GPAM: variants seen among roughly 807,000 people sequenced by gnomAD.
GPAM encodes the protein glycerol-3-phosphate acyltransferase 1, mitochondrial.
Under a neutral mutation model 105.0 loss-of-function variants are expected in GPAM, and 56 were observed. The observed-to-expected ratio is 0.53, with a 90% CI of 0.43 to 0.67. The LOEUF is 0.67. Among genes scored for constraint, GPAM ranks in the 30% least tolerant of loss-of-function variants. The pLI is 0.00. For missense variants in GPAM, 855 were observed against 989.8 expected, an observed-to-expected ratio of 0.86 and a Z score of 1.83; for synonymous variants, 368 against 354.4, an observed-to-expected ratio of 1.04 and a Z score of -0.43.
chr10:112,163,771 C>T lies in GPAM; in HGVS notation c.1353G>A (p.Glu451=), dbSNP rs1334337989. The T allele has an allele frequency of 9.3e-6, 15 of 1,606,582 alleles. No homozygotes were observed. The highest frequency in any genetic ancestry group is 1.7e-4 in the Middle Eastern group (1 of 6,050). The change falls in exon 14 of 22, where the codon GAG becomes GAA. Residue 451 remains glutamate (E), a synonymous_variant. Transcript: ENST00000348367. The stretch of plus-strand genomic sequence containing the variant: ...GGGATTCATCTGTTGCATTTCTGGA[C>T]TCATTAATGGACGTGTCTCTACCTT... ...ADEGRDTSIN[E]SRNATDESLR...
chr10:112,156,449 C>T, intron 19 of GPAM: 1 of 289,252 alleles, frequency 3.5e-6, no homozygotes, highest in South Asian at 3.5e-5. Flanking sequence ...AATGGGAGAC[C>T]ACCAAGATTA....
Position 112,175,644 on chromosome 10 carries a change from GCC to G in GPAM, c.367_368del (p.Gly123HisfsTer8). ...LFIQERDVHKGMFATNVTENV... is the reference protein window; with the variant it reads ...LFIQERDVHKXMFATNVTENV... ...TTTCAGTCACATTGGTGGCAAACAT[GCC>G]CTTATGCACATCTCGCTCTTGAATA... On this transcript the variant is annotated frameshift_variant, in exon 6 of 22. Transcript: ENST00000348367. LOFTEE classifies it high-confidence loss of function. 1 of 1,612,306 alleles carries G rather than the reference GCC, an allele frequency of 6.2e-7. No individual in the cohort carries two copies. Among genetic ancestry groups the G allele is most frequent in the Non-Finnish European group, 8.5e-7 (1 of 1,178,428 alleles).
intron 4 of GPAM, among the ~76,000 whole-genome samples, chr10:112,178,950 C>T (rs1270544571): frequency 6.6e-6 from 1 of 152,174 alleles, no homozygotes; most frequent in Non-Finnish European, 1.5e-5. Flanking sequence ...CCAGAGATAG[C>T]TTTGCTGAAA....
intron 19 of GPAM, chr10:112,156,751 A>G: frequency 5.7e-6 from 1 of 174,884 alleles, no homozygotes; most frequent in Middle Eastern, 2.7e-3. Flanking sequence ...GGTCATTATT[A>G]CTAAGTTCTA....
At chr10:112,210,423 A>C (rs1402752003) in intron 1 of GPAM, among the ~76,000 whole-genome samples, 1 of 152,076 alleles carries the variant, frequency 6.6e-6, no homozygotes, top group Non-Finnish European at 1.5e-5. Context: ...CAGTTTCCCC[A>C]CCATTATTGC....
At chr10:112,215,674 G>A (rs1345567170), upstream of GPAM, among the ~76,000 whole-genome samples, 11 of 152,172 alleles carry the variant, frequency 7.2e-5, no homozygotes, top group African/African-American at 2.2e-4. Context: ...TGTTCACATG[G>A]GGCGTCAGGC....
chr10:112,173,433 T>C (rs1340180367), intron 7 of GPAM, among the ~76,000 whole-genome samples: 4 of 152,176 alleles, frequency 2.6e-5, no homozygotes, highest in Non-Finnish European at 5.9e-5. Flanking sequence ...TGAAAGTTGA[T>C]TCACAAGCAG....
chr10:112,171,307 G>A (rs1564679300), intron 9 of GPAM, among the ~76,000 whole-genome samples: 3 of 151,942 alleles, frequency 2.0e-5, no homozygotes, highest in South Asian at 2.1e-4. Context: ...CTTTAAATTC[G>A]AGCTACTAAG....
chr10:112,184,195 T>A (rs1340320829), upstream of GPAM, among the ~76,000 whole-genome samples: 1 of 152,174 alleles, frequency 6.6e-6, no homozygotes, highest in Non-Finnish European at 1.5e-5. Flanking sequence ...GCTGAGTGCC[T>A]TTTCCTTTAA....
rs959622148 is a variant in GPAM, at chr10:112,157,139, T to C, written c.2121+110A>G. ...ACCACACAGAAGGTACCAGAGCTAG[T>C]TGGGGGATTCTTTAGATAAGAAGAC... is the stretch of plus-strand genomic sequence containing the variant. On this transcript the variant is annotated intron_variant, in intron 19 of 21. Transcript: ENST00000348367. 32 of 954,708 alleles carry C rather than the reference T, an allele frequency of 3.4e-5. No individual in the cohort carries two copies. In the Middle Eastern group the frequency reaches 1.2e-3, roughly 37 times the overall value. 59.1% of individuals were successfully genotyped at this position (954,708 alleles called of 1,614,324 possible).
Position 112,154,668 on chromosome 10 carries a change from A to T in GPAM, c.2331T>A (p.Cys777Ter), listed in dbSNP as rs1846982910. 6.2e-7 allele frequency: 1 copy of T among 1,608,804 alleles called. No homozygotes were observed. Among genetic ancestry groups the T allele is most frequent in the Admixed American group, 1.7e-5 (1 of 59,996 alleles). The change falls in exon 21 of 22, where the codon TGT (cysteine) becomes TGA (stop). Residue 777 changes from cysteine (C) to a stop codon, truncating the protein, a stop_gained. Transcript: ENST00000348367. LOFTEE classifies it high-confidence loss of function. ...VAVYAESATY[C>*]LVKNAVKMFK... Reference sequence around the variant, plus strand: ...ACATTTTCACAGCATTCTTCACAAGACAATATGTGGCACTCTCAGCTGAAG... The same window carrying T: ...ACATTTTCACAGCATTCTTCACAAGTCAATATGTGGCACTCTCAGCTGAAG...
chr10:112,172,038 C>G, intron 9 of GPAM, 144 bp downstream of exon 9: 5 of 655,350 alleles, frequency 7.6e-6, no homozygotes, highest in Non-Finnish European at 1.3e-5. Context: ...AAATTTTACA[C>G]AATAACTATG....
At chr10:112,178,848 T>C (rs1206522098) in intron 4 of GPAM, among the ~76,000 whole-genome samples, 1 of 152,210 alleles carries the variant, frequency 6.6e-6, no homozygotes, top group Non-Finnish European at 1.5e-5. Context: ...CTAAAGAGTA[T>C]GGTCTTTCTA....
rs1564809453 is a variant in GPAM at position 112,156,019 on chromosome 10, G to GTGATAAAC, written c.2148_2155dup (p.Thr719SerfsTer44). ...AGGCCCAAGGAGTCTCTGTAAGAAG[G>GTGATAAAC]TGATAAACTGCTGGTGCTCCTTGGA... is the stretch of plus-strand genomic sequence containing the variant. On this transcript the variant is annotated frameshift_variant, in exon 20 of 22. Transcript: ENST00000348367. LOFTEE classifies it high-confidence loss of function. The GTGATAAAC allele has an allele frequency of 6.2e-7, 1 of 1,613,264 alleles. No individual in the cohort carries two copies. The highest frequency in any genetic ancestry group is 8.5e-7 in the Non-Finnish European group (1 of 1,179,372).
At chr10:112,209,885 T>TAAC (rs1333067720) in intron 1 of GPAM, among the ~76,000 whole-genome samples, 1 of 152,184 alleles carries the variant, frequency 6.6e-6, no homozygotes, top group African/African-American at 2.4e-5. Context: ...CTGAAGCCCA[T>TAAC]AACACAGCTA....
chr10:112,200,167 A>AATAT (rs10528337), intron 1 of GPAM, among the ~76,000 whole-genome samples: 1,569 of 86,950 alleles, frequency 0.018, 29 homozygotes, highest in Non-Finnish European at 0.029. Context: ...TTGTAAAGGA[A>AATAT]ATATATATAT....
At chr10:112,171,278 A>T (rs550225598) in intron 9 of GPAM, among the ~76,000 whole-genome samples, 10 of 152,240 alleles carry the variant, frequency 6.6e-5, no homozygotes, top group African/African-American at 2.2e-4. Context: ...TTGAGCCCCC[A>T]TAGGGACTAG....
upstream of GPAM, among the ~76,000 whole-genome samples, chr10:112,185,135 C>T (rs992672765): frequency 6.6e-6 from 1 of 152,154 alleles, no homozygotes; most frequent in Non-Finnish European, 1.5e-5. Flanking sequence ...AATGTAAAAG[C>T]TACTCTGATT....
At chr10:112,162,902 A>G (rs1376082202) in intron 14 of GPAM, among the ~76,000 whole-genome samples, 1 of 152,130 alleles carries the variant, frequency 6.6e-6, no homozygotes, top group Non-Finnish European at 1.5e-5. Context: ...TTGAGAAAGA[A>G]TCCTCTGACC....
Sources: gnomAD v4.1 joint callset for allele counts (sites outside exome capture counted in the v4.1 genomes callset) on GRCh38, gnomAD v4.1.1 for gene constraint, MANE v1.5 for transcripts, NCBI Gene and HGNC (gene_info 2026-07-23, HGNC 2026-07-21) for gene names.